The following OPCML variants were observed in gnomAD, a reference collection of about 807,000 sequenced individuals.
OPCML encodes the protein opioid binding protein/cell adhesion molecule like, also known as opioid-binding protein/cell adhesion molecule.
A neutral mutation model predicts 37.8 loss-of-function variants in OPCML; 13 were observed. That is an observed-to-expected ratio of 0.34 (90% CI 0.22 to 0.55). The LOEUF (loss-of-function observed/expected upper bound fraction) is 0.55, where lower values mean the gene tolerates loss of function less well. OPCML is among the 20% of genes least tolerant of loss of function. The pLI is 0.91. For synonymous variants in OPCML, 176 were observed against 168.8 expected (o/e 1.04, Z -0.33); for missense variants, 341 against 435.6 (o/e 0.78, Z 1.93).
chr11:132,695,693 A>G (rs1943575404), intron 2 of OPCML, among the ~76,000 whole-genome samples: 1 of 152,212 alleles, frequency 6.6e-6, no homozygotes, highest in Non-Finnish European at 1.5e-5. Flanking sequence ...AGACACATCT[A>G]TTGGCGATTT....
chr11:132,582,018 A>G (rs2096462988), intron 3 of OPCML, among the ~76,000 whole-genome samples: 2 of 151,920 alleles, frequency 1.3e-5, no homozygotes, highest in South Asian at 4.2e-4. Context: ...TTACTAATAA[A>G]TCATCTATAT....
chr11:133,048,709 G>T (rs1359694254), intron 1 of OPCML, among the ~76,000 whole-genome samples: 14 of 152,182 alleles, frequency 9.2e-5, no homozygotes, highest in Admixed American at 8.5e-4. Context: ...AGATAGAGCT[G>T]ATACAGAGAG....
intron 1 of OPCML, among the ~76,000 whole-genome samples, chr11:133,395,047 C>G (rs923499206): frequency 6.6e-6 from 1 of 152,134 alleles, no homozygotes; most frequent in African/African-American, 2.4e-5. Flanking sequence ...TATTGCCTGA[C>G]TATTGTGTAA....
chr11:132,625,419 A>T (rs1218760266), intron 3 of OPCML, among the ~76,000 whole-genome samples: 1 of 152,122 alleles, frequency 6.6e-6, no homozygotes, highest in Non-Finnish European at 1.5e-5. Flanking sequence ...TCCCTCTGTC[A>T]GCACTAATAT....
chr11:133,045,447 G>A (rs1168194456), intron 1 of OPCML, among the ~76,000 whole-genome samples: 4 of 152,184 alleles, frequency 2.6e-5, no homozygotes, highest in South Asian at 2.1e-4. Context: ...CAAAGCACAA[G>A]GTATCTGGCT....
At chr11:132,763,276 C>T (rs1186485233) in intron 2 of OPCML, among the ~76,000 whole-genome samples, 1 of 152,120 alleles carries the variant, frequency 6.6e-6, no homozygotes, top group African/African-American at 2.4e-5. Context: ...TTGCCAGGCC[C>T]CCATTATTCA....
intron 1 of OPCML, among the ~76,000 whole-genome samples, chr11:133,297,005 T>A (rs1224341492): frequency 6.6e-6 from 1 of 152,116 alleles, no homozygotes; most frequent in African/African-American, 2.4e-5. Context: ...GCAAACCCAT[T>A]AACAGTGAAC....
At chr11:133,287,275 C>CTTT (rs760838065) in intron 1 of OPCML, among the ~76,000 whole-genome samples, 8 of 120,978 alleles carry the variant, frequency 6.6e-5, no homozygotes, top group East Asian at 2.3e-4. Flanking sequence ...TTCTTTCTTT[C>CTTT]TTTTTTTTTT....
chr11:132,706,892 G>T (rs940135386), intron 2 of OPCML, among the ~76,000 whole-genome samples: 3 of 152,152 alleles, frequency 2.0e-5, no homozygotes, highest in Non-Finnish European at 2.9e-5. Context: ...TTCCTTCTTT[G>T]TTCTTCAAGG....
intron 2 of OPCML, among the ~76,000 whole-genome samples, chr11:132,703,072 G>T (rs1005389414): frequency 6.6e-6 from 1 of 151,986 alleles, no homozygotes; most frequent in African/African-American, 2.4e-5. Flanking sequence ...ATTAGGCTAG[G>T]TTACACTCCT....
chr11:132,940,306 T>A (rs1945534543), intron 2 of OPCML, among the ~76,000 whole-genome samples: 1 of 152,160 alleles, frequency 6.6e-6, no homozygotes, highest in African/African-American at 2.4e-5. Context: ...CATTCAAGAT[T>A]TAGAAACAGA....
At chr11:133,461,285 T>G (rs970632068) in intron 1 of OPCML, among the ~76,000 whole-genome samples, 1 of 151,886 alleles carries the variant, frequency 6.6e-6, no homozygotes, top group East Asian at 1.9e-4. Flanking sequence ...AGTAAAATTA[T>G]CTTTGGTTGT....
At chr11:132,849,441 C>T (rs761485263) in intron 2 of OPCML, among the ~76,000 whole-genome samples, 34 of 152,240 alleles carry the variant, frequency 2.2e-4, no homozygotes, top group Middle Eastern at 6.8e-3. Flanking sequence ...CTTCTACCTT[C>T]GTGAAGTGGC....
At chr11:133,422,182 C>T (rs1293096244) in intron 1 of OPCML, 1 of 984,334 alleles carries the variant, frequency 1.0e-6, no homozygotes, top group East Asian at 1.1e-4. Flanking sequence ...TTGTTCACTC[C>T]CTGCAAACAA....
chr11:132,901,006 C>G (rs1944041845), intron 2 of OPCML, among the ~76,000 whole-genome samples: 1 of 151,962 alleles, frequency 6.6e-6, no homozygotes, highest in Non-Finnish European at 1.5e-5. Flanking sequence ...ATAGTGAAAC[C>G]CCATCTCTAC....
chr11:132,575,396 T>C (rs561348404), intron 3 of OPCML, among the ~76,000 whole-genome samples: 2 of 152,058 alleles, frequency 1.3e-5, no homozygotes, highest in African/African-American at 4.8e-5. Flanking sequence ...TTTGTTTCTG[T>C]TTTTCTTTTG....
intron 1 of OPCML, among the ~76,000 whole-genome samples, chr11:133,462,145 G>T (rs1365448565): frequency 1.3e-5 from 2 of 151,758 alleles, no homozygotes; most frequent in Non-Finnish European, 2.9e-5. Flanking sequence ...TTCAGTAATG[G>T]CTGCAAAAAA....
At chr11:133,467,464 G>A (rs1234612010) in intron 1 of OPCML, among the ~76,000 whole-genome samples, 1 of 152,142 alleles carries the variant, frequency 6.6e-6, no homozygotes, top group African/African-American at 2.4e-5. Flanking sequence ...TATACTTATA[G>A]TTATTTATCA....
intron 2 of OPCML, among the ~76,000 whole-genome samples, chr11:132,919,554 C>A (rs927100395): frequency 9.2e-5 from 14 of 152,104 alleles, no homozygotes; most frequent in Admixed American, 2.6e-4. Context: ...GGTGCCAGGG[C>A]GATTGGCTGC....
Sources: allele counts gnomAD v4.1 joint callset (sites outside exome capture counted in the v4.1 genomes callset), GRCh38; gene constraint gnomAD v4.1.1; transcripts MANE v1.5; gene names NCBI Gene and HGNC (gene_info 2026-07-23, HGNC 2026-07-21).